The following DLG2 variants were observed in gnomAD, a reference collection of about 807,000 sequenced individuals.
DLG2 encodes the protein disks large homolog 2.
In DLG2, 45 loss-of-function variants were observed where a neutral mutation model predicts 132.5. The observed-to-expected ratio is 0.34, with a 90% CI of 0.27 to 0.44. DLG2 has a LOEUF of 0.44. Among genes scored for constraint, DLG2 ranks in the 20% least tolerant of loss-of-function variants. The pLI is 1.00. For synonymous variants in DLG2, 424 were observed against 419.6 expected (o/e 1.01, Z -0.13); for missense variants, 1,045 against 1,196.9 (o/e 0.87, Z 1.87).
intron 8 of DLG2, among the ~76,000 whole-genome samples, chr11:84,216,255 A>C (rs1309785786): frequency 1.3e-5 from 2 of 152,010 alleles, no homozygotes; most frequent in Admixed American, 6.6e-5. Context: ...TTCTCTTCTT[A>C]TTTTAAGGCT....
intron 6 of DLG2, among the ~76,000 whole-genome samples, chr11:84,630,271 C>G (rs1026310435): frequency 4.6e-5 from 7 of 152,136 alleles, no homozygotes; most frequent in Middle Eastern, 6.3e-3. Context: ...GTAAATAACT[C>G]AGAAGGGGCA....
At chr11:83,823,276 G>C (rs1052980831) in intron 17 of DLG2, among the ~76,000 whole-genome samples, 14 of 152,062 alleles carry the variant, frequency 9.2e-5, no homozygotes, top group Non-Finnish European at 1.5e-5. Context: ...GTGATCAGCT[G>C]TTATACCACA....
intron 18 of DLG2, among the ~76,000 whole-genome samples, chr11:83,737,915 C>T (rs989558455): frequency 2.6e-5 from 4 of 152,292 alleles, no homozygotes; most frequent in Admixed American, 2.0e-4. Flanking sequence ...TTTGGTGATG[C>T]TGCCTTACAT....
chr11:85,269,493 G>A (rs902361952), intron 4 of DLG2, among the ~76,000 whole-genome samples: 2 of 152,206 alleles, frequency 1.3e-5, no homozygotes, highest in Non-Finnish European at 2.9e-5. Flanking sequence ...AAAGATTGTA[G>A]AGTCAGAGAT....
intron 6 of DLG2, among the ~76,000 whole-genome samples, chr11:84,802,982 G>A (rs560258549): frequency 6.6e-6 from 1 of 151,826 alleles, no homozygotes; most frequent in Non-Finnish European, 1.5e-5. Context: ...TGTATTTTTG[G>A]TAGAGACGGG....
intron 18 of DLG2, among the ~76,000 whole-genome samples, chr11:83,749,188 G>T (rs2093137587): frequency 6.6e-6 from 1 of 152,154 alleles, no homozygotes; most frequent in Non-Finnish European, 1.5e-5. Flanking sequence ...GTGATGATTA[G>T]CATGGAGAGC....
intron 7 of DLG2, among the ~76,000 whole-genome samples, chr11:84,489,370 C>G (rs1484086212): frequency 6.6e-6 from 1 of 152,006 alleles, no homozygotes; most frequent in East Asian, 1.9e-4. Context: ...ATTTTTCTTC[C>G]TAAACCATCT....
At chr11:84,763,737 C>T (rs2067988013) in intron 6 of DLG2, among the ~76,000 whole-genome samples, 1 of 152,244 alleles carries the variant, frequency 6.6e-6, no homozygotes, top group Middle Eastern at 3.4e-3. Flanking sequence ...GTAGTCATTC[C>T]ACTTATTCAG....
intron 6 of DLG2, among the ~76,000 whole-genome samples, chr11:84,970,583 T>A (rs2053969986): frequency 6.6e-6 from 1 of 152,142 alleles, no homozygotes; most frequent in South Asian, 2.1e-4. Flanking sequence ...CACTGTAACC[T>A]CACATAGCAG....
chr11:83,802,510 G>A (rs1348678889), intron 17 of DLG2, among the ~76,000 whole-genome samples: 1 of 151,994 alleles, frequency 6.6e-6, no homozygotes, highest in East Asian at 1.9e-4. Flanking sequence ...TGAAATCAGT[G>A]GACTAACTGA....
intron 7 of DLG2, among the ~76,000 whole-genome samples, chr11:84,313,764 C>G (rs554190172): frequency 6.6e-6 from 1 of 152,316 alleles, no homozygotes; most frequent in East Asian, 1.9e-4. Flanking sequence ...CTCCACTGTT[C>G]TGTGCTGCTT....
At chr11:85,175,393 A>G (rs923462906) in intron 4 of DLG2, among the ~76,000 whole-genome samples, 1 of 152,184 alleles carries the variant, frequency 6.6e-6, no homozygotes, top group Non-Finnish European at 1.5e-5. Flanking sequence ...GACACCAAAA[A>G]AGTCTTCAAT....
At chr11:84,945,189 C>T (rs59013201) in intron 6 of DLG2, among the ~76,000 whole-genome samples, 20,315 of 152,136 alleles carry the variant, frequency 0.13, 1,549 homozygotes, top group African/African-American at 0.14. Context: ...TGGGAAGGTT[C>T]TCCAATCCAA....
intron 7 of DLG2, among the ~76,000 whole-genome samples, chr11:84,514,319 G>A (rs562074107): frequency 1.3e-5 from 2 of 152,114 alleles, no homozygotes; most frequent in East Asian, 1.9e-4. Context: ...GCTACCACAC[G>A]ATCTAGCAAT....
intron 11 of DLG2, among the ~76,000 whole-genome samples, chr11:84,042,355 A>C (rs572838476): frequency 6.6e-5 from 10 of 151,634 alleles, no homozygotes; most frequent in Admixed American, 1.3e-4. Context: ...GTAAGCCTGG[A>C]TCTCTCTCAT....
chr11:83,904,868 T>A (rs2074336704), intron 15 of DLG2, among the ~76,000 whole-genome samples: 1 of 152,106 alleles, frequency 6.6e-6, no homozygotes, highest in Non-Finnish European at 1.5e-5. Flanking sequence ...TGAAAATGCT[T>A]TTATTCTGGC....
intron 3 of DLG2, among the ~76,000 whole-genome samples, chr11:85,347,862 G>A (rs1441333319): frequency 6.9e-6 from 1 of 144,670 alleles, no homozygotes; most frequent in Non-Finnish European, 1.5e-5. Flanking sequence ...GGAGTGCAGA[G>A]GTGCAATCTC....
At chr11:83,785,519 A>G (rs1270510988) in intron 18 of DLG2, among the ~76,000 whole-genome samples, 1 of 152,250 alleles carries the variant, frequency 6.6e-6, no homozygotes, top group Non-Finnish European at 1.5e-5. Context: ...CTCTCTGGCC[A>G]TATCTGGCCT....
chr11:85,573,802 C>A (rs929138435), intron 3 of DLG2, among the ~76,000 whole-genome samples: 10 of 152,162 alleles, frequency 6.6e-5, no homozygotes, highest in Non-Finnish European at 1.5e-4. Context: ...TAGCAATGAT[C>A]TTGATAAATC....
Sources: gnomAD v4.1 joint callset for allele counts (sites outside exome capture counted in the v4.1 genomes callset) on GRCh38, gnomAD v4.1.1 for gene constraint, MANE v1.5 for transcripts, NCBI Gene and HGNC (gene_info 2026-07-23, HGNC 2026-07-21) for gene names.